Variants in DOCK3 observed in about 807,000 individuals in gnomAD.
DOCK3 encodes dedicator of cytokinesis protein 3.
DOCK3 carries 60 observed loss-of-function variants against 265.6 expected under a neutral mutation model. The observed-to-expected ratio is 0.23, with a 90% confidence interval of 0.18 to 0.28. DOCK3 has a LOEUF of 0.28. DOCK3 is among the 10% of genes least tolerant of loss of function. The pLI, the probability that DOCK3 is intolerant of heterozygous loss-of-function variation, is 1.00. For missense variants in DOCK3, 1,981 were observed against 2,594.3 expected, an observed-to-expected ratio of 0.76 and a Z score of 5.14; for synonymous variants, 881 against 938.0, an observed-to-expected ratio of 0.94 and a Z score of 1.11.
At chr3:50,787,019 C>A in intron 2 of DOCK3, 2 of 740,736 alleles carry the variant, frequency 2.7e-6, no homozygotes, top group South Asian at 2.7e-5. Context: ...TTTTTTCTCA[C>A]AAATTTCACA....
At chr3:51,014,710 G>A (rs1279715123) in intron 5 of DOCK3, among the ~76,000 whole-genome samples, 4 of 152,036 alleles carry the variant, frequency 2.6e-5, no homozygotes, top group Non-Finnish European at 5.9e-5. Context: ...TATTTTTATA[G>A]GGATTGCATT....
intron 46 of DOCK3, among the ~76,000 whole-genome samples, chr3:51,358,402 A>G (rs1478284066): frequency 6.6e-6 from 1 of 152,152 alleles, no homozygotes; most frequent in African/African-American, 2.4e-5. Flanking sequence ...ACATGTAGGG[A>G]TCTTTTTGGA....
intron 2 of DOCK3, among the ~76,000 whole-genome samples, chr3:50,799,016 A>G (rs1260346321): frequency 6.6e-6 from 1 of 152,240 alleles, no homozygotes; most frequent in Non-Finnish European, 1.5e-5. Context: ...ACTTTTATCA[A>G]AAACTAATTG....
At chr3:51,261,702 T>C (rs913572631) in intron 23 of DOCK3, among the ~76,000 whole-genome samples, 3 of 152,158 alleles carry the variant, frequency 2.0e-5, no homozygotes, top group Admixed American at 1.3e-4. Flanking sequence ...CTGATGTCGA[T>C]CTGGGACACT....
intron 13 of DOCK3, 47 bp downstream of exon 13, chr3:51,208,909 G>A (rs1392327045): frequency 1.3e-6 from 2 of 1,538,830 alleles, no homozygotes; most frequent in South Asian, 2.4e-5. Flanking sequence ...ATTTGTAGTT[G>A]CTACTCATAC....
At chr3:51,084,572 G>T (rs2082354854) in intron 7 of DOCK3, among the ~76,000 whole-genome samples, 1 of 152,126 alleles carries the variant, frequency 6.6e-6, no homozygotes, top group African/African-American at 2.4e-5. Flanking sequence ...ATCACCACTG[G>T]ACCAGTCCTA....
intron 2 of DOCK3, among the ~76,000 whole-genome samples, chr3:50,785,766 A>G (rs2042152556): frequency 6.6e-6 from 1 of 152,048 alleles, no homozygotes; most frequent in South Asian, 2.1e-4. Context: ...ATTGATGTGT[A>G]GTTTTCTTTT....
At chr3:51,199,703 C>G (rs2088580567) in intron 12 of DOCK3, among the ~76,000 whole-genome samples, 1 of 152,332 alleles carries the variant, frequency 6.6e-6, no homozygotes, top group East Asian at 1.9e-4. Context: ...TCCCAGCACG[C>G]AGCTGGAGAT....
At chr3:51,202,442 T>C (rs2088850433) in intron 12 of DOCK3, among the ~76,000 whole-genome samples, 1 of 151,860 alleles carries the variant, frequency 6.6e-6, no homozygotes, top group Non-Finnish European at 1.5e-5. Flanking sequence ...TTCCTCAACA[T>C]ATACACCCTC....
intron 27 of DOCK3, among the ~76,000 whole-genome samples, chr3:51,299,143 G>GTT (rs1479645864): frequency 1.3e-5 from 2 of 151,942 alleles, no homozygotes; most frequent in African/African-American, 2.4e-5. Flanking sequence ...TATCATTGTG[G>GTT]TTTTCATTTG....
chr3:50,722,760 C>G (rs1038249808), intron 1 of DOCK3, among the ~76,000 whole-genome samples: 1 of 119,454 alleles, frequency 8.4e-6, no homozygotes, highest in Non-Finnish European at 1.6e-5. Flanking sequence ...GAATTTCTTT[C>G]TTTTTCTTGT....
chr3:50,945,669 T>C (rs533712006), intron 5 of DOCK3, among the ~76,000 whole-genome samples: 11 of 152,336 alleles, frequency 7.2e-5, no homozygotes, highest in African/African-American at 2.6e-4. Flanking sequence ...AAAATTCCAT[T>C]ATTCATTTTT....
At chr3:51,034,302 GT>G (rs1025172496) in intron 5 of DOCK3, among the ~76,000 whole-genome samples, 3 of 151,570 alleles carry the variant, frequency 2.0e-5, no homozygotes, top group African/African-American at 4.8e-5. Flanking sequence ...TGTTCCATAT[GT>G]TTTTTTCCCT....
At chr3:51,378,809 CTTT>C (rs2088351595) in intron 51 of DOCK3, among the ~76,000 whole-genome samples, 1 of 152,212 alleles carries the variant, frequency 6.6e-6, no homozygotes, top group African/African-American at 2.4e-5. Flanking sequence ...TGGACTCCTT[CTTT>C]AACACAGAAG....
intron 25 of DOCK3, among the ~76,000 whole-genome samples, chr3:51,277,302 A>G (rs1460047542): frequency 1.3e-5 from 2 of 152,192 alleles, no homozygotes; most frequent in Non-Finnish European, 2.9e-5. Flanking sequence ...GAAAACATTT[A>G]ACTCAAGATC....
At chr3:51,085,401 G>A (rs187728874) in intron 7 of DOCK3, among the ~76,000 whole-genome samples, 1 of 152,214 alleles carries the variant, frequency 6.6e-6, no homozygotes, top group Admixed American at 6.5e-5. Flanking sequence ...ACATACTCCA[G>A]GATACAGCAC....
chr3:51,130,073 G>A (rs4359843), intron 9 of DOCK3, among the ~76,000 whole-genome samples: 138,802 of 152,246 alleles, frequency 0.91, 63,418 homozygotes, highest in African/African-American at 0.95. Context: ...GGAATATCTC[G>A]ACAAGCCCCA....
intron 32 of DOCK3, among the ~76,000 whole-genome samples, chr3:51,326,397 A>C (rs1015103549): frequency 6.7e-6 from 1 of 149,590 alleles, no homozygotes; most frequent in African/African-American, 2.5e-5. Flanking sequence ...AGTAGCTGGG[A>C]TTATAGGTGC....
At chr3:50,687,512 C>G (rs1020479415) in intron 1 of DOCK3, among the ~76,000 whole-genome samples, 2 of 152,230 alleles carry the variant, frequency 1.3e-5, no homozygotes, top group Non-Finnish European at 2.9e-5. Context: ...TTTAGAAAGT[C>G]ATCTCACTTC....
Sources: allele counts gnomAD v4.1 joint callset (sites outside exome capture counted in the v4.1 genomes callset), GRCh38; gene constraint gnomAD v4.1.1; transcripts MANE v1.5; gene names NCBI Gene and HGNC (gene_info 2026-07-23, HGNC 2026-07-21).